Variants in EPAS1 observed in about 807,000 individuals in gnomAD.
EPAS1 encodes endothelial PAS domain protein 1.
In EPAS1, 23 loss-of-function variants were observed where a neutral mutation model predicts 87.9. The ratio of observed to expected loss-of-function variants is 0.26; its 90% confidence interval spans 0.19 to 0.37. EPAS1 has a LOEUF of 0.37. EPAS1 is among the 10% of genes least tolerant of loss of function. EPAS1 has a pLI of 1.00. For synonymous variants in EPAS1, 508 were observed against 444.3 expected, an observed-to-expected ratio of 1.14 and a Z score of -1.80; for missense variants, 1,138 against 1,120.7, an observed-to-expected ratio of 1.02 and a Z score of -0.22.
chr2:46,359,278 A>AAAAAAAAAAAAAAAAAAC, intron 4 of EPAS1, among the ~76,000 whole-genome samples: 1 of 149,386 alleles, frequency 6.7e-6, no homozygotes, highest in Non-Finnish European at 1.5e-5. Flanking sequence ...AAAAAAAAAA[A>AAAAAAAAAAAAAAAAAAC]AAAGATCAAA....
At chr2:46,362,942 T>C (rs551390209) in intron 6 of EPAS1, among the ~76,000 whole-genome samples, 2 of 139,822 alleles carry the variant, frequency 1.4e-5, no homozygotes, top group South Asian at 4.7e-4. Context: ...TCACCATTTA[T>C]TGTAATTGTT....
chr2:46,376,052 C>A (rs1684740252), intron 8 of EPAS1, among the ~76,000 whole-genome samples: 1 of 152,088 alleles, frequency 6.6e-6, no homozygotes, highest in Admixed American at 6.5e-5. Flanking sequence ...TTTTTCTGCG[C>A]TTTCCCTGGC....
intron 7 of EPAS1, among the ~76,000 whole-genome samples, 198 bp downstream of exon 7, chr2:46,370,131 G>C (rs1307190545): frequency 6.6e-6 from 1 of 152,158 alleles, no homozygotes; most frequent in Non-Finnish European, 1.5e-5. Flanking sequence ...GTGCAAATTA[G>C]AAAAAGGACA....
At chr2:46,363,244 C>T (rs971130611) in intron 6 of EPAS1, among the ~76,000 whole-genome samples, 3 of 152,104 alleles carry the variant, frequency 2.0e-5, no homozygotes, top group Admixed American at 1.3e-4. Context: ...CTCAAGCCGA[C>T]GTAGCCATAT....
At chr2:46,323,950 C>G (rs1378194214) in intron 1 of EPAS1, among the ~76,000 whole-genome samples, 1 of 152,222 alleles carries the variant, frequency 6.6e-6, no homozygotes, top group Non-Finnish European at 1.5e-5. Flanking sequence ...CATACAATGT[C>G]TGGTCTCACC....
chr2:46,370,968 C>T (rs1478358502), intron 7 of EPAS1, among the ~76,000 whole-genome samples: 1 of 152,116 alleles, frequency 6.6e-6, no homozygotes, highest in Non-Finnish European at 1.5e-5. Flanking sequence ...ACCGTGGGCT[C>T]CTTGGGAACA....
At chr2:46,305,313 G>GT (rs1553388292) in intron 1 of EPAS1, among the ~76,000 whole-genome samples, 1 of 152,154 alleles carries the variant, frequency 6.6e-6, no homozygotes, top group Non-Finnish European at 1.5e-5. Context: ...AAGTGACCTT[G>GT]TTTTTTCTAA....
chr2:46,370,406 C>T (rs750878512), intron 7 of EPAS1, among the ~76,000 whole-genome samples: 3 of 152,160 alleles, frequency 2.0e-5, no homozygotes, highest in Non-Finnish European at 4.4e-5. Flanking sequence ...CTTGAAGGAT[C>T]GGGGAGGCTT....
intron 6 of EPAS1, among the ~76,000 whole-genome samples, chr2:46,361,551 C>G (rs1336910041): frequency 6.6e-6 from 1 of 152,144 alleles, no homozygotes; most frequent in Non-Finnish European, 1.5e-5. Context: ...TTCCTGCATG[C>G]AACTCCATTC....
At chr2:46,309,016 A>T (rs920642314) in intron 1 of EPAS1, among the ~76,000 whole-genome samples, 56 of 152,368 alleles carry the variant, frequency 3.7e-4, no homozygotes, top group African/African-American at 1.0e-3. Flanking sequence ...TCAAGAGCAA[A>T]GACCCAGTCA....
At chr2:46,362,406 C>T (rs760716780) in intron 6 of EPAS1, among the ~76,000 whole-genome samples, 3 of 152,186 alleles carry the variant, frequency 2.0e-5, no homozygotes, top group Non-Finnish European at 4.4e-5. Flanking sequence ...TCCTTGGCCT[C>T]CTCCAAAGCA....
chr2:46,313,438 G>GTTAT (rs34298350), intron 1 of EPAS1, among the ~76,000 whole-genome samples: 63,454 of 148,598 alleles, frequency 0.43, 13,864 homozygotes, highest in Admixed American at 0.52. Context: ...CCCACATGTT[G>GTTAT]TTATTTATTT....
rs759966323 is a variant in EPAS1, at chr2:46,382,569, A to G, written c.2432A>G (p.Tyr811Cys). Residue 811 changes from tyrosine (Y) to cysteine (C), a missense_variant, in exon 15 of 16, where the codon TAC becomes TGC. By Grantham distance (194) the Tyr-to-Cys change is radical. Around this residue, in one of 4 missense-constraint regions of EPAS1, gnomAD observed 502 missense variants for 427.1 expected, o/e 1.18. Coordinates refer to ENST00000263734, the MANE Select transcript of EPAS1 (RefSeq NM_001430.5). ...TGCTACGCCACCCAGTACCAGGACT[A>G]CAGCCTGTCGTCAGCCCACAAGGTG... ...PQCYATQYQDYSLSSAHKVSG... is the reference protein window; with the variant it reads ...PQCYATQYQDCSLSSAHKVSG... The G allele has an allele frequency of 6.2e-7, 1 of 1,614,162 alleles. No homozygotes were observed. The highest frequency in any genetic ancestry group is 2.2e-5 in the East Asian group (1 of 44,878).
Position 46,380,837 on chromosome 2 carries a change from G to C in EPAS1, c.2045+120G>C. ...CCCCAGCCATCTGATACCCCATTTA[G>C]CCCTTCTCTGAGCTCAGACTTTGGG... On this transcript the variant is annotated intron_variant, in intron 12 of 15. Coordinates refer to ENST00000263734, the MANE Select transcript of EPAS1 (RefSeq NM_001430.5). This position sits in a 1 kb window ranked among gnomAD's most constrained non-coding sequence, Gnocchi z 4.4. The C allele has an allele frequency of 6.5e-7, 1 of 1,535,482 alleles. No individual in the cohort carries two copies. The highest frequency in any genetic ancestry group is 1.4e-5 in the African/African-American group (1 of 73,388).
chr2:46,307,558 C>T (rs149376967), intron 1 of EPAS1, among the ~76,000 whole-genome samples: 13 of 152,216 alleles, frequency 8.5e-5, no homozygotes, highest in African/African-American at 2.6e-4. Flanking sequence ...CTTGCTATCA[C>T]TCTGTTTGTC....
intron 1 of EPAS1, among the ~76,000 whole-genome samples, chr2:46,341,931 A>G (rs952718200): frequency 1.3e-5 from 2 of 152,200 alleles, no homozygotes; most frequent in Non-Finnish European, 2.9e-5. Flanking sequence ...AAGGTGACAT[A>G]GCTGTTTGCA....
intron 6 of EPAS1, among the ~76,000 whole-genome samples, chr2:46,367,480 A>G (rs76174337): frequency 0.022 from 3,322 of 152,346 alleles, 124 homozygotes; most frequent in African/African-American, 0.076. Context: ...CCGACCCAGC[A>G]GCGAAGCCAT....
chr2:46,327,003 A>G (rs1021257711), intron 1 of EPAS1, among the ~76,000 whole-genome samples: 4 of 152,178 alleles, frequency 2.6e-5, no homozygotes, highest in Non-Finnish European at 5.9e-5. Flanking sequence ...AATGTAGGTC[A>G]CTGTTGTACC....
intron 6 of EPAS1, among the ~76,000 whole-genome samples, chr2:46,364,109 C>A (rs1684456893): frequency 6.6e-6 from 1 of 152,192 alleles, no homozygotes; most frequent in African/African-American, 2.4e-5. Context: ...TATACACTCT[C>A]CGCCTCAATT....
Sources: gnomAD v4.1 joint callset for allele counts (sites outside exome capture counted in the v4.1 genomes callset) on GRCh38, gnomAD v4.1.1 for gene constraint, gnomAD v4.1.1 regional missense constraint, Gnocchi (gnomAD v3.1) non-coding constraint, MANE v1.5 for transcripts, NCBI Gene and HGNC (gene_info 2026-07-23, HGNC 2026-07-21) for gene names.